The following SLC44A5 variants were observed in gnomAD, a reference collection of about 807,000 sequenced individuals.
The protein encoded by SLC44A5 is solute carrier family 44 member 5, also known as choline transporter-like protein 5.
SLC44A5 carries 57 observed loss-of-function variants against 101.8 expected under a neutral mutation model. The ratio of observed to expected loss-of-function variants is 0.56; its 90% CI spans 0.45 to 0.70. The LOEUF (loss-of-function observed/expected upper bound fraction) is 0.70. Ranked by LOEUF, SLC44A5 falls within the 30% of genes least tolerant of loss-of-function variation. The probability of loss-of-function intolerance (pLI) is 0.00; values close to 1 mark genes in which losing one functional copy is unlikely to be tolerated. For missense variants in SLC44A5, 737 were observed against 853.1 expected (o/e 0.86, Z 1.70); for synonymous variants, 281 against 290.9 (o/e 0.97, Z 0.35).
chr1:75,337,567 A>AT (rs1378013742), intron 4 of SLC44A5, among the ~76,000 whole-genome samples: 1 of 152,170 alleles, frequency 6.6e-6, no homozygotes, highest in Admixed American at 6.5e-5. Flanking sequence ...ATTCTGTTGA[A>AT]TATCAGGGAG....
intron 2 of SLC44A5, among the ~76,000 whole-genome samples, chr1:75,505,801 T>G (rs1463663355): frequency 6.6e-6 from 1 of 152,180 alleles, no homozygotes; most frequent in Non-Finnish European, 1.5e-5. Flanking sequence ...ATTCTGTGTG[T>G]TGTTGTTTAA....
the SLC44A5 span, among the ~76,000 whole-genome samples, chr1:75,672,581 A>G: frequency 6.6e-6 from 1 of 152,262 alleles, no homozygotes; most frequent in East Asian, 1.9e-4. Flanking sequence ...TGGAGTCAGT[A>G]TACTTGAAGT....
rs546407728 is a variant in SLC44A5, at chr1:75,255,414, G to C, written c.261-4120C>G. On this transcript the variant is annotated intron_variant, in intron 6 of 23. Coordinates refer to ENST00000370859, the MANE Select transcript of SLC44A5 (RefSeq NM_001130058.2). The stretch of plus-strand genomic sequence containing the variant: ...AAAGAATAATTGGAGAACAAGAAAG[G>C]CTTATAAAGATTAAAATATAATTGC... Among the ~76,000 whole-genome samples the C allele has an allele frequency of 7.4e-5, 11 of 149,260 alleles. No homozygotes were observed. In the South Asian group the frequency reaches 2.3e-3, roughly 32 times the overall value.
intron 5 of SLC44A5, among the ~76,000 whole-genome samples, chr1:75,286,556 G>A (rs1653069268): frequency 1.3e-5 from 2 of 151,934 alleles, no homozygotes. Context: ...TTGTGTTATT[G>A]TTTTATAGGT....
intron 2 of SLC44A5, among the ~76,000 whole-genome samples, chr1:75,421,678 G>T (rs1193851844): frequency 6.6e-6 from 1 of 152,104 alleles, no homozygotes; most frequent in African/African-American, 2.4e-5. Context: ...GCTAATTGCT[G>T]GCTGTTCGTT....
intron 2 of SLC44A5, among the ~76,000 whole-genome samples, chr1:75,530,879 C>T (rs1303076708): frequency 6.6e-6 from 1 of 152,166 alleles, no homozygotes; most frequent in African/African-American, 2.4e-5. Context: ...AAGTAGGTCA[C>T]ATACCTGGAC....
the SLC44A5 span, among the ~76,000 whole-genome samples, chr1:75,648,176 T>C: frequency 3.9e-3 from 601 of 152,286 alleles, 3 homozygotes; most frequent in African/African-American, 0.013. Context: ...TGAGATCTGA[T>C]AGTTTTTTAA....
intron 2 of SLC44A5, among the ~76,000 whole-genome samples, chr1:75,442,522 T>G (rs1005830003): frequency 5.9e-5 from 9 of 152,102 alleles, no homozygotes; most frequent in African/African-American, 1.9e-4. Flanking sequence ...CCTCAATATC[T>G]AATCAGATGC....
At chr1:75,508,240 C>T (rs961080557) in intron 2 of SLC44A5, among the ~76,000 whole-genome samples, 2 of 152,048 alleles carry the variant, frequency 1.3e-5, no homozygotes, top group Admixed American at 6.6e-5. Context: ...AAACAACTTG[C>T]TCCTGAATAC....
intron 6 of SLC44A5, among the ~76,000 whole-genome samples, chr1:75,254,193 C>T (rs1228987003): frequency 6.6e-6 from 1 of 152,098 alleles, no homozygotes; most frequent in African/African-American, 2.4e-5. Context: ...CACCTACCAC[C>T]ATGCCCAGCT....
intron 2 of SLC44A5, among the ~76,000 whole-genome samples, chr1:75,524,040 T>C (rs985367882): frequency 3.3e-5 from 5 of 152,256 alleles, no homozygotes; most frequent in Admixed American, 6.5e-5. Context: ...TTTGGCTCTA[T>C]GTTTCCACCC....
rs761640618 is a variant in SLC44A5, at chr1:75,541,975, C to T, written c.-69-459G>A. Among the ~76,000 whole-genome samples, 7 of 151,774 alleles carry T rather than the reference C, an allele frequency of 4.6e-5. No homozygotes were observed. In the South Asian group the frequency reaches 6.3e-4, roughly 14 times the overall value. On this transcript the variant is annotated intron_variant, in intron 1 of 23. Transcript: ENST00000370859. ...TTTTGTTTCTGTTTTAGTTTTAGGG[C>T]GAGGGGTTTTTTAAATGGTATTATA...
intron 6 of SLC44A5, among the ~76,000 whole-genome samples, chr1:75,272,336 T>C (rs1243724930): frequency 6.6e-6 from 1 of 151,966 alleles, no homozygotes; most frequent in East Asian, 1.9e-4. Flanking sequence ...TTTCTTTTTT[T>C]TTTTTTTAGA....
rs1191574180 is a variant in SLC44A5 at position 75,385,643 on chromosome 1, C to T, written c.52+10940G>A. Among the ~76,000 whole-genome samples the T allele has an allele frequency of 4.6e-5, 7 of 152,198 alleles. No individual in the cohort carries two copies. In the South Asian group the frequency reaches 1.2e-3, roughly 27 times the overall value. On this transcript the variant is annotated intron_variant, in intron 3 of 23. Coordinates refer to ENST00000370859, the MANE Select transcript of SLC44A5 (RefSeq NM_001130058.2). ...CTACCAGAGGTATAAGGATGAGCTG[C>T]TACCATTCCTTCTGAAATTATTCCA...
At chr1:75,565,780 T>G (rs1435243340) in intron 1 of SLC44A5, among the ~76,000 whole-genome samples, 2 of 152,216 alleles carry the variant, frequency 1.3e-5, no homozygotes, top group Non-Finnish European at 2.9e-5. Flanking sequence ...TTATGAGAAT[T>G]AAATAGTACA....
chr1:75,356,644 T>C (rs1394265884), intron 3 of SLC44A5, among the ~76,000 whole-genome samples: 3 of 152,152 alleles, frequency 2.0e-5, no homozygotes, highest in Non-Finnish European at 4.4e-5. Context: ...TATACAGTAG[T>C]ATCCTAATAT....
At chr1:75,311,355 G>A (rs115076081) in intron 4 of SLC44A5, among the ~76,000 whole-genome samples, 2,064 of 152,296 alleles carry the variant, frequency 0.014, 27 homozygotes, top group Middle Eastern at 0.034. Flanking sequence ...GACTTCAGGT[G>A]ATCTGCTGGG....
chr1:75,708,264 A>G, the SLC44A5 span, among the ~76,000 whole-genome samples: 1 of 151,694 alleles, frequency 6.6e-6, no homozygotes, highest in Admixed American at 6.6e-5. Flanking sequence ...TACAAAAAAA[A>G]AAAAGCTGGG....
chr1:75,395,469 T>C (rs528203437), intron 3 of SLC44A5, among the ~76,000 whole-genome samples: 94 of 152,158 alleles, frequency 6.2e-4, no homozygotes, highest in Admixed American at 3.9e-4. Context: ...CTTTCTACCT[T>C]ATATGATCAT....
Sources: allele counts gnomAD v4.1 joint callset (sites outside exome capture counted in the v4.1 genomes callset), GRCh38; gene constraint gnomAD v4.1.1; transcripts MANE v1.5; gene names NCBI Gene and HGNC (gene_info 2026-07-23, HGNC 2026-07-21).